TBL1X: variants seen among roughly 807,000 people sequenced by gnomAD.
TBL1X encodes the protein F-box-like/WD repeat-containing protein TBL1X.
Under a neutral mutation model 50.7 loss-of-function variants are expected in TBL1X, and 10 were observed. The ratio of observed to expected loss-of-function variants is 0.20; its 90% CI spans 0.12 to 0.33. The LOEUF (loss-of-function observed/expected upper bound fraction) is 0.33, where lower values mean the gene tolerates loss of function less well. Among genes scored for constraint, TBL1X ranks in the 10% least tolerant of loss-of-function variants. The probability of loss-of-function intolerance (pLI) is 1.00; values close to 1 mark genes in which losing one functional copy is unlikely to be tolerated. For missense variants in TBL1X, 340 were observed against 504.4 expected, an observed-to-expected ratio of 0.67 and a Z score of 3.12; for synonymous variants, 190 against 214.7, an observed-to-expected ratio of 0.88 and a Z score of 1.01.
At position 9,654,099 on chromosome X, in the gene TBL1X, A is replaced by G. The variant is rs1298186753; in HGVS notation, c.104-116A>G. ...TAATTATAAAATATAACACAATCAGATATTAATTACCTTCATGTGTATAAT... is the reference window on the plus strand; with the variant it reads ...TAATTATAAAATATAACACAATCAGGTATTAATTACCTTCATGTGTATAAT... On this transcript the variant is annotated intron_variant, in intron 4 of 17. Coordinates refer to ENST00000645353, the MANE Select transcript of TBL1X (RefSeq NM_005647.4). 1.1e-5 allele frequency: 6 copies of G among 542,219 alleles called. 1 individual carries two copies. In the Admixed American group the frequency reaches 2.4e-4, roughly 22 times the overall value. 44.7% of individuals were successfully genotyped at this position (542,219 alleles called of 1,213,427 possible). A position where few individuals can be genotyped will look rare whatever the true frequency, so the allele number is the denominator to read the frequency against.
At chrX:9,484,975 C>T (rs777960205) in intron 1 of TBL1X, among the ~76,000 whole-genome samples, 4 of 108,703 alleles carry the variant, frequency 3.7e-5, no homozygotes, top group African/African-American at 1.3e-4. Flanking sequence ...GTAGTCCCAG[C>T]TTCTCGAGAG....
At chrX:9,552,254 A>G (rs1005845729) in intron 2 of TBL1X, among the ~76,000 whole-genome samples, 13 of 111,483 alleles carry the variant, frequency 1.2e-4, no homozygotes, top group Non-Finnish European at 2.3e-4. Flanking sequence ...TGTGCGGTCA[A>G]AGGGCAATGG....
intron 2 of TBL1X, among the ~76,000 whole-genome samples, chrX:9,579,603 C>T (rs2082429535): frequency 9.0e-6 from 1 of 111,657 alleles, no homozygotes; most frequent in Admixed American, 9.5e-5. Flanking sequence ...CACCACAGAG[C>T]CTCTGCGTTT....
At chrX:9,710,398 CAAAG>C (rs761023579) in intron 15 of TBL1X, among the ~76,000 whole-genome samples, 26 of 110,598 alleles carry the variant, frequency 2.4e-4, no homozygotes, top group Middle Eastern at 4.7e-3. Context: ...ACCAAAAAAA[CAAAG>C]AACACATAGG....
intron 2 of TBL1X, among the ~76,000 whole-genome samples, chrX:9,610,519 C>T (rs1319865236): frequency 8.9e-6 from 1 of 111,946 alleles, no homozygotes; most frequent in Non-Finnish European, 1.9e-5. Flanking sequence ...TCTGTGCTGT[C>T]TTTGAAGCAC....
chrX:9,580,373 G>A (rs2681650), intron 2 of TBL1X, among the ~76,000 whole-genome samples: 4,646 of 111,897 alleles, frequency 0.042, 90 homozygotes, highest in Non-Finnish European at 0.062. Flanking sequence ...CTGGAAAGGC[G>A]GGACAACTCA....
intron 2 of TBL1X, among the ~76,000 whole-genome samples, chrX:9,616,209 A>G (rs2082638719): frequency 8.9e-6 from 1 of 111,961 alleles, no homozygotes; most frequent in Non-Finnish European, 1.9e-5. Flanking sequence ...CCCACCCACC[A>G]GAAAAGAATA....
At chrX:9,669,293 C>G (rs1476736224) in intron 5 of TBL1X, among the ~76,000 whole-genome samples, 1 of 111,805 alleles carries the variant, frequency 8.9e-6, no homozygotes, top group Non-Finnish European at 1.9e-5. Flanking sequence ...ACGAAAGAGG[C>G]CTAACCCACC....
chrX:9,689,839 C>T (rs906889137), intron 7 of TBL1X, among the ~76,000 whole-genome samples: 21 of 112,783 alleles, frequency 1.9e-4, no homozygotes, highest in African/African-American at 6.8e-4. Context: ...CCAGATGACA[C>T]TTTCAGAGCA....
At chrX:9,662,436 A>G (rs1020131055) in intron 5 of TBL1X, among the ~76,000 whole-genome samples, 1 of 112,054 alleles carries the variant, frequency 8.9e-6, no homozygotes, top group Non-Finnish European at 1.9e-5. Flanking sequence ...ACTTGAAGAC[A>G]CTATGCCAAG....
intron 2 of TBL1X, among the ~76,000 whole-genome samples, chrX:9,598,951 GT>G (rs1454055684): frequency 1.6e-4 from 16 of 98,016 alleles, no homozygotes; most frequent in Admixed American, 2.2e-4. Context: ...TTTGTTTTTT[GT>G]TTTTTTTTTT....
chrX:9,468,732 A>G (rs7878742), intron 1 of TBL1X, among the ~76,000 whole-genome samples: 32,442 of 109,683 alleles, frequency 0.3, 3,875 homozygotes, highest in South Asian at 0.38. Flanking sequence ...GGTGGGTAGG[A>G]GTATATATAT....
chrX:9,707,464 T>C (rs963024099), intron 13 of TBL1X, among the ~76,000 whole-genome samples: 2 of 112,597 alleles, frequency 1.8e-5, no homozygotes, highest in Non-Finnish European at 3.8e-5. Flanking sequence ...CTTGGCCCTT[T>C]AAGTGGGTCT....
intron 2 of TBL1X, among the ~76,000 whole-genome samples, chrX:9,510,085 T>A (rs1036752719): frequency 6.3e-5 from 7 of 111,413 alleles, no homozygotes; most frequent in African/African-American, 2.3e-4. Context: ...TTCTCCTGTT[T>A]TACCTTTGGC....
At chrX:9,541,405 C>A (rs963718020) in intron 2 of TBL1X, among the ~76,000 whole-genome samples, 2 of 111,505 alleles carry the variant, frequency 1.8e-5, no homozygotes, top group African/African-American at 6.5e-5. Context: ...AAAATCGGTT[C>A]TGGCTAACTG....
chrX:9,546,803 A>ATTTTTTTTT lies in TBL1X; in HGVS notation c.-131+44979_-131+44987dup, dbSNP rs774181046. Among the ~76,000 whole-genome samples, 21 of 44,981 alleles carry ATTTTTTTTT rather than the reference A, an allele frequency of 4.7e-4. 3 individuals carry two copies. Among genetic ancestry groups the ATTTTTTTTT allele is most frequent in the Admixed American group, 1.6e-3 (4 of 2,562 alleles). 39.1% of individuals were successfully genotyped at this position (44,981 alleles called of 115,157 possible). On this transcript the variant is annotated intron_variant, in intron 2 of 17. Coordinates refer to ENST00000645353, the MANE Select transcript of TBL1X (RefSeq NM_005647.4). The stretch of plus-strand genomic sequence containing the variant: ...ATCACTATGGATTCATTTATTCTTA[A>ATTTTTTTTT]TTTTTTTTTTTTTTTTTTTTTTTTT...
chrX:9,564,711 G>A (rs1333453115), intron 2 of TBL1X, among the ~76,000 whole-genome samples: 5 of 105,236 alleles, frequency 4.8e-5, no homozygotes, highest in South Asian at 8.8e-4. Context: ...CCAGCCTGGT[G>A]ACAGAGCAAG....
intron 2 of TBL1X, among the ~76,000 whole-genome samples, chrX:9,606,956 T>C (rs1465485924): frequency 8.9e-6 from 1 of 112,480 alleles, no homozygotes; most frequent in Admixed American, 9.4e-5. Flanking sequence ...AATAACCTAC[T>C]ACAGTCTTCT....
At position 9,469,240 on chromosome X, in the gene TBL1X, G is replaced by T. The variant is rs1204805971; in HGVS notation, c.-201+3793G>T. Reference sequence around the variant, plus strand: ...GCTGGAGTGCAGTGGTGCGATCTCGGCTCACTCTGCCTCCCGGGTTCAAGC... The same window carrying T: ...GCTGGAGTGCAGTGGTGCGATCTCGTCTCACTCTGCCTCCCGGGTTCAAGC... On this transcript the variant is annotated intron_variant, in intron 1 of 17. Transcript: ENST00000645353. Among the ~76,000 whole-genome samples, 4 of 111,932 alleles carry T rather than the reference G, an allele frequency of 3.6e-5. No individual in the cohort carries two copies. The South Asian group carries it at 1.5e-3, about 42-fold the overall frequency.
Sources: gnomAD v4.1 joint callset for allele counts (sites outside exome capture counted in the v4.1 genomes callset) on GRCh38, gnomAD v4.1.1 for gene constraint, MANE v1.5 for transcripts, NCBI Gene and HGNC (gene_info 2026-07-23, HGNC 2026-07-21) for gene names.